RBMS3: variants seen among roughly 807,000 people sequenced by gnomAD.
RBMS3 encodes the protein RNA binding motif single stranded interacting protein 3, also known as RNA-binding motif, single-stranded-interacting protein 3.
A neutral mutation model predicts 66.8 loss-of-function variants in RBMS3; 27 were observed. The ratio of observed to expected loss-of-function variants is 0.40; its 90% CI spans 0.30 to 0.56. The LOEUF (loss-of-function observed/expected upper bound fraction) is 0.56. RBMS3 is among the 20% of genes least tolerant of loss of function. The pLI is 0.40. For synonymous variants in RBMS3, 188 were observed against 183.0 expected (o/e 1.03, Z -0.22); for missense variants, 513 against 549.5 (o/e 0.93, Z 0.66).
chr3:29,643,000 T>C (rs562011945), intron 4 of RBMS3, among the ~76,000 whole-genome samples: 1 of 152,172 alleles, frequency 6.6e-6, no homozygotes, highest in Non-Finnish European at 1.5e-5. Flanking sequence ...CCAGGCTTTG[T>C]CTGGTAGCAT....
intron 1 of RBMS3, among the ~76,000 whole-genome samples, chr3:29,411,678 G>A (rs1273753560): frequency 6.6e-6 from 1 of 152,222 alleles, no homozygotes; most frequent in Non-Finnish European, 1.5e-5. Flanking sequence ...GTCCATAGCA[G>A]ATGCTCTGTT....
At chr3:29,363,112 C>A (rs962075969) in intron 1 of RBMS3, among the ~76,000 whole-genome samples, 1 of 152,104 alleles carries the variant, frequency 6.6e-6, no homozygotes, top group Non-Finnish European at 1.5e-5. Context: ...ACCTCAAGGC[C>A]TTTTTAGTTG....
intron 7 of RBMS3, among the ~76,000 whole-genome samples, chr3:29,871,590 C>T (rs2059492924): frequency 6.6e-6 from 1 of 152,008 alleles, no homozygotes; most frequent in Admixed American, 6.6e-5. Context: ...CAATGGTACA[C>T]CTTTGAATCC....
chr3:29,297,725 A>G (rs748677522), intron 1 of RBMS3, among the ~76,000 whole-genome samples: 3 of 151,808 alleles, frequency 2.0e-5, no homozygotes, highest in Non-Finnish European at 4.4e-5. Context: ...TACTTTCCTC[A>G]TTTAAGGTTC....
At chr3:29,603,322 T>C (rs2048209328) in intron 4 of RBMS3, among the ~76,000 whole-genome samples, 1 of 152,020 alleles carries the variant, frequency 6.6e-6, no homozygotes, top group South Asian at 2.1e-4. Flanking sequence ...TCCAAAACCA[T>C]TAATGTATTA....
chr3:29,703,162 T>C (rs1691360350), intron 4 of RBMS3, among the ~76,000 whole-genome samples: 3 of 152,220 alleles, frequency 2.0e-5, no homozygotes, highest in Admixed American at 1.3e-4. Flanking sequence ...CAGGCATAAT[T>C]GCATTACATT....
chr3:29,884,469 TCC>T (rs56911907), intron 8 of RBMS3, among the ~76,000 whole-genome samples: 1,352 of 66,338 alleles, frequency 0.02, 116 homozygotes, highest in Non-Finnish European at 0.028. Flanking sequence ...TCTCTCTCTC[TCC>T]CCCCCCGCTC....
Position 30,004,430 on chromosome 3 carries a change from T to A in RBMS3, c.*568T>A, listed in dbSNP as rs1699742895. On this transcript the variant is annotated 3_prime_UTR_variant, in exon 15 of 15. Transcript: ENST00000383767. ...CGTCAAAGGCTCTCGAGGCAAGCTG[T>A]CAACGTCTTGTTGAAAACAAAAATC... is the stretch of plus-strand genomic sequence containing the variant. The A allele has an allele frequency of 6.6e-6, 1 of 152,232 alleles. No homozygotes were observed. The highest frequency in any genetic ancestry group is 6.6e-5 in the Admixed American group (1 of 15,188). 9.4% of individuals were successfully genotyped at this position (152,232 alleles called of 1,614,324 possible).
chr3:29,755,038 C>T (rs1438648287), intron 5 of RBMS3, among the ~76,000 whole-genome samples: 3 of 152,096 alleles, frequency 2.0e-5, no homozygotes, highest in African/African-American at 7.2e-5. Flanking sequence ...TCAATAATAT[C>T]TAGGAATGAA....
At chr3:29,480,746 A>G (rs978431829) in intron 2 of RBMS3, among the ~76,000 whole-genome samples, 19 of 152,204 alleles carry the variant, frequency 1.2e-4, no homozygotes, top group Non-Finnish European at 1.9e-4. Flanking sequence ...GAGACACCCT[A>G]TGATAACCAG....
intron 4 of RBMS3, among the ~76,000 whole-genome samples, chr3:29,591,819 G>T (rs988127548): frequency 6.6e-6 from 1 of 152,112 alleles, no homozygotes; most frequent in Non-Finnish European, 1.5e-5. Context: ...CAGAAAAGAA[G>T]TCACTCCCTC....
chr3:29,870,332 A>C (rs541289947), intron 7 of RBMS3, among the ~76,000 whole-genome samples: 45 of 152,206 alleles, frequency 3.0e-4, no homozygotes, highest in African/African-American at 1.1e-3. Context: ...AAAAAGACTC[A>C]TTTGACATTT....
intron 1 of RBMS3, among the ~76,000 whole-genome samples, chr3:29,403,994 A>G (rs1007959565): frequency 3.3e-5 from 5 of 152,096 alleles, no homozygotes; most frequent in African/African-American, 1.2e-4. Flanking sequence ...TGGTATCATC[A>G]TAGATTGGAT....
chr3:29,585,352 T>C (rs1457015738), intron 3 of RBMS3, among the ~76,000 whole-genome samples: 1 of 152,154 alleles, frequency 6.6e-6, no homozygotes, highest in East Asian at 1.9e-4. Context: ...AATTGAGTCC[T>C]TTCTCTGATG....
chr3:29,560,503 G>T (rs2046512678), intron 3 of RBMS3, among the ~76,000 whole-genome samples: 1 of 152,138 alleles, frequency 6.6e-6, no homozygotes. Context: ...AGAAACAAAA[G>T]TCTCTGACAT....
intron 1 of RBMS3, among the ~76,000 whole-genome samples, chr3:29,394,756 C>T (rs182780782): frequency 6.6e-6 from 1 of 152,070 alleles, no homozygotes; most frequent in East Asian, 1.9e-4. Flanking sequence ...CCTCTAAGGC[C>T]CTCTGTGATC....
chr3:29,576,269 TTACC>T (rs1418821825), intron 3 of RBMS3, among the ~76,000 whole-genome samples: 1 of 152,106 alleles, frequency 6.6e-6, no homozygotes, highest in Non-Finnish European at 1.5e-5. Context: ...ATTCTCTGGA[TTACC>T]AGGCAGAGAC....
At chr3:29,340,875 A>G (rs949421716) in intron 1 of RBMS3, among the ~76,000 whole-genome samples, 1 of 152,132 alleles carries the variant, frequency 6.6e-6, no homozygotes, top group Non-Finnish European at 1.5e-5. Context: ...TATCATTTTT[A>G]AAAAGTTTAA....
chr3:29,664,669 C>A (rs1300680310), intron 4 of RBMS3, among the ~76,000 whole-genome samples: 2 of 150,430 alleles, frequency 1.3e-5, no homozygotes, highest in African/African-American at 4.9e-5. Context: ...TGATAGTAGG[C>A]TCAGATGATT....
Sources: gnomAD v4.1 joint callset for allele counts (sites outside exome capture counted in the v4.1 genomes callset) on GRCh38, gnomAD v4.1.1 for gene constraint, MANE v1.5 for transcripts, NCBI Gene and HGNC (gene_info 2026-07-23, HGNC 2026-07-21) for gene names.